Variants in CALN1 observed in about 807,000 individuals in gnomAD.
CALN1 encodes the protein calcium-binding protein 8.
CALN1 carries 17 observed loss-of-function variants against 30.6 expected under a neutral mutation model. That is an observed-to-expected ratio of 0.56 (90% CI 0.38 to 0.83). The LOEUF (loss-of-function observed/expected upper bound fraction) is 0.83. CALN1 is among the 40% of genes least tolerant of loss of function. The pLI, the probability that CALN1 is intolerant of heterozygous loss-of-function variation, is 0.00. For missense variants in CALN1, 291 were observed against 354.9 expected (o/e 0.82, Z 1.45); for synonymous variants, 156 against 131.4 (o/e 1.19, Z -1.28).
intron 5 of CALN1, among the ~76,000 whole-genome samples, chr7:71,823,078 C>T (rs1296898436): frequency 6.6e-6 from 1 of 152,166 alleles, no homozygotes; most frequent in Non-Finnish European, 1.5e-5. Flanking sequence ...CTCCCCTTCT[C>T]TCATGACAGA....
chr7:72,310,052 C>T (rs1326126282), intron 2 of CALN1, among the ~76,000 whole-genome samples: 2 of 152,124 alleles, frequency 1.3e-5, no homozygotes, highest in Non-Finnish European at 2.9e-5. Flanking sequence ...TCTCTGACTA[C>T]TCATGGCTAC....
chr7:72,469,545 C>T, the CALN1 span, among the ~76,000 whole-genome samples: 4 of 152,186 alleles, frequency 2.6e-5, no homozygotes, highest in East Asian at 1.9e-4. Context: ...TACAGGCACA[C>T]ACCACCACGT....
In CALN1 at chr7:72,163,835, A is replaced by G. The variant is rs537254777; in HGVS notation, c.245-57541T>C. Among the ~76,000 whole-genome samples, 167 of 152,322 alleles carry G rather than the reference A, an allele frequency of 1.1e-3. 4 individuals carry two copies. In the Middle Eastern group the frequency reaches 0.014, roughly 12 times the overall value. ...TACATGTAATGAAAATCCAAAAGGGAAGACAACATAAAAGAAGAAATATTT... is the reference window on the plus strand; with the variant it reads ...TACATGTAATGAAAATCCAAAAGGGGAGACAACATAAAAGAAGAAATATTT... On this transcript the variant is annotated intron_variant, in intron 3 of 6. Coordinates refer to ENST00000395275, the MANE Select transcript of CALN1 (RefSeq NM_031468.4).
intron 2 of CALN1, among the ~76,000 whole-genome samples, chr7:72,295,488 C>T (rs1287020530): frequency 6.6e-6 from 1 of 151,518 alleles, no homozygotes; most frequent in Non-Finnish European, 1.5e-5. Flanking sequence ...ATTCTTCCTA[C>T]CCATGAGCAT....
rs533326605 is a variant in CALN1, at chr7:71,918,384, A to G, written c.501+105273T>C. On this transcript the variant is annotated intron_variant, in intron 5 of 6. Coordinates refer to ENST00000395275, the MANE Select transcript of CALN1 (RefSeq NM_031468.4). ...TCAATAATGAGCTGATCTAAGACTGAAATTCAGCAAAAATGCTAACAGCTC... is the reference window on the plus strand; with the variant it reads ...TCAATAATGAGCTGATCTAAGACTGGAATTCAGCAAAAATGCTAACAGCTC... Among the ~76,000 whole-genome samples the G allele has an allele frequency of 5.3e-5, 8 of 152,314 alleles. No individual in the cohort carries two copies. In the South Asian group the frequency reaches 1.7e-3, roughly 32 times the overall value.
chr7:71,808,125 G>T (rs1787727865), intron 6 of CALN1, among the ~76,000 whole-genome samples: 1 of 151,822 alleles, frequency 6.6e-6, no homozygotes. Flanking sequence ...TTATTGGTTA[G>T]GTAATGGTTA....
At chr7:72,151,189 G>A (rs181571113) in intron 3 of CALN1, among the ~76,000 whole-genome samples, 5 of 152,242 alleles carry the variant, frequency 3.3e-5, no homozygotes, top group Admixed American at 6.5e-5. Flanking sequence ...TGCCATCAAG[G>A]TTATATGTAG....
At chr7:72,356,186 T>A (rs1368932264) in intron 2 of CALN1, among the ~76,000 whole-genome samples, 2 of 152,152 alleles carry the variant, frequency 1.3e-5, no homozygotes, top group Non-Finnish European at 2.9e-5. Context: ...AGAATTGCTA[T>A]AGTGAGCTAT....
At chr7:72,487,909 A>AAGGAAGGAAG in the CALN1 span, among the ~76,000 whole-genome samples, 3 of 77,096 alleles carry the variant, frequency 3.9e-5, no homozygotes, top group Non-Finnish European at 7.6e-5. Flanking sequence ...AAAGAAAGAA[A>AAGGAAGGAAG]GAAAGAAAGA....
At chr7:72,237,759 G>A (rs1397930776) in intron 3 of CALN1, among the ~76,000 whole-genome samples, 1 of 152,076 alleles carries the variant, frequency 6.6e-6, no homozygotes, top group African/African-American at 2.4e-5. Context: ...CCTTCTTCTA[G>A]CCCCTTCACA....
At chr7:72,230,704 C>G (rs1019595434) in intron 3 of CALN1, among the ~76,000 whole-genome samples, 1 of 152,116 alleles carries the variant, frequency 6.6e-6, no homozygotes, top group Non-Finnish European at 1.5e-5. Flanking sequence ...GATAATATCC[C>G]TATTTTATCC....
intron 4 of CALN1, among the ~76,000 whole-genome samples, chr7:72,072,561 G>C (rs1056897279): frequency 6.6e-6 from 1 of 152,084 alleles, no homozygotes; most frequent in Non-Finnish European, 1.5e-5. Context: ...AACTTGAAGC[G>C]ATATGAAGAA....
intron 3 of CALN1, among the ~76,000 whole-genome samples, chr7:72,107,694 C>T (rs1370457834): frequency 6.6e-6 from 1 of 152,140 alleles, no homozygotes; most frequent in Non-Finnish European, 1.5e-5. Context: ...ATCAATAAAC[C>T]CAGTGCAAGC....
intron 5 of CALN1, among the ~76,000 whole-genome samples, chr7:71,880,610 C>T (rs1275160102): frequency 6.6e-6 from 1 of 152,184 alleles, no homozygotes; most frequent in Non-Finnish European, 1.5e-5. Flanking sequence ...TTATATACAA[C>T]TGCTTACGAA....
chr7:72,451,845 T>TCAA (rs1554410385), upstream of CALN1, among the ~76,000 whole-genome samples: 4 of 150,040 alleles, frequency 2.7e-5, no homozygotes, highest in African/African-American at 9.8e-5. Flanking sequence ...TGTGGTGAAT[T>TCAA]AAAAAAAAAA....
At chr7:71,956,125 T>C (rs1254728178) in intron 5 of CALN1, among the ~76,000 whole-genome samples, 1 of 152,018 alleles carries the variant, frequency 6.6e-6, no homozygotes, top group Non-Finnish European at 1.5e-5. Flanking sequence ...GTAGCTAGGA[T>C]TACAGACATG....
chr7:71,967,551 C>T (rs985847439), intron 5 of CALN1, among the ~76,000 whole-genome samples: 3 of 150,378 alleles, frequency 2.0e-5, no homozygotes, highest in African/African-American at 7.3e-5. Context: ...ATCGCTTGAG[C>T]CCAAGTCAAG....
intron 2 of CALN1, among the ~76,000 whole-genome samples, chr7:72,315,241 A>G (rs1015095015): frequency 6.6e-6 from 1 of 150,828 alleles, no homozygotes. Flanking sequence ...ATTTTGCAAC[A>G]TGTAATAAAG....
intron 5 of CALN1, among the ~76,000 whole-genome samples, chr7:71,962,817 TGCCAG>T (rs1797314843): frequency 6.6e-6 from 1 of 152,136 alleles, no homozygotes; most frequent in South Asian, 2.1e-4. Flanking sequence ...TGTCAGGAAT[TGCCAG>T]GCCAAAAAGA....
Sources: gnomAD v4.1 joint callset for allele counts (sites outside exome capture counted in the v4.1 genomes callset) on GRCh38, gnomAD v4.1.1 for gene constraint, MANE v1.5 for transcripts, NCBI Gene and HGNC (gene_info 2026-07-23, HGNC 2026-07-21) for gene names.